The following KLF12 variants were observed in gnomAD, a reference collection of about 807,000 sequenced individuals.
The protein encoded by KLF12 is Krueppel-like factor 12.
In KLF12, 9 loss-of-function variants were observed where a neutral mutation model predicts 37.8. That is an observed-to-expected ratio of 0.24 (90% CI 0.14 to 0.42). The LOEUF is 0.42. KLF12 is among the 10% of genes least tolerant of loss of function. KLF12 has a pLI of 1.00. For missense variants in KLF12, 411 were observed against 516.0 expected, an observed-to-expected ratio of 0.80 and a Z score of 1.97; for synonymous variants, 208 against 202.1, an observed-to-expected ratio of 1.03 and a Z score of -0.25.
intron 4 of KLF12, among the ~76,000 whole-genome samples, chr13:73,832,853 G>C (rs113582576): frequency 6.6e-6 from 1 of 152,242 alleles, no homozygotes; most frequent in Middle Eastern, 3.4e-3. Context: ...ACCATTATCA[G>C]CTTTTAAATC....
At chr13:74,244,173 G>A in the KLF12 span, among the ~76,000 whole-genome samples, 11 of 152,160 alleles carry the variant, frequency 7.2e-5, no homozygotes, top group South Asian at 4.2e-4. Flanking sequence ...TATCATCTTT[G>A]GTAATTGTTA....
intron 1 of KLF12, among the ~76,000 whole-genome samples, chr13:74,099,926 A>G (rs1006865663): frequency 2.0e-5 from 3 of 152,228 alleles, no homozygotes; most frequent in East Asian, 1.9e-4. Context: ...AAATTGAACC[A>G]TAAAACATTC....
chr13:74,047,673 CT>C (rs113750310), intron 1 of KLF12, among the ~76,000 whole-genome samples: 6,886 of 151,108 alleles, frequency 0.046, 221 homozygotes, highest in African/African-American at 0.089. Context: ...TTTTGATAGC[CT>C]AAGATAAAGC....
At chr13:74,176,488 C>T in the KLF12 span, among the ~76,000 whole-genome samples, 1 of 152,174 alleles carries the variant, frequency 6.6e-6, no homozygotes, top group South Asian at 2.1e-4. Flanking sequence ...ATAACCCTCA[C>T]CCCACTCCAT....
At chr13:73,785,679 C>G (rs1182531334) in intron 5 of KLF12, among the ~76,000 whole-genome samples, 3 of 151,796 alleles carry the variant, frequency 2.0e-5, no homozygotes, top group African/African-American at 7.3e-5. Flanking sequence ...TTGTTGACTT[C>G]TCTCTCATTC....
chr13:74,201,507 T>C, the KLF12 span, among the ~76,000 whole-genome samples: 1 of 152,184 alleles, frequency 6.6e-6, no homozygotes, highest in East Asian at 1.9e-4. Context: ...TTATTCCCAA[T>C]AAGCTCTTCC....
chr13:73,742,847 T>C (rs1237204096), intron 6 of KLF12, among the ~76,000 whole-genome samples: 5 of 152,194 alleles, frequency 3.3e-5, no homozygotes, highest in African/African-American at 1.2e-4. Context: ...GGTTTACAAC[T>C]TGCTCCTTCT....
chr13:74,169,707 A>G, the KLF12 span, among the ~76,000 whole-genome samples: 7 of 152,218 alleles, frequency 4.6e-5, no homozygotes, highest in Non-Finnish European at 1.0e-4. Context: ...AAGAGGAACT[A>G]TAAGCTGACA....
At chr13:74,151,621 C>A in the KLF12 span, among the ~76,000 whole-genome samples, 5 of 151,856 alleles carry the variant, frequency 3.3e-5, no homozygotes, top group Admixed American at 2.6e-4. Flanking sequence ...CCACTGCACT[C>A]CAGCCTGGGT....
At chr13:73,984,219 C>A (rs548057449) in intron 2 of KLF12, among the ~76,000 whole-genome samples, 4 of 152,182 alleles carry the variant, frequency 2.6e-5, no homozygotes, top group Non-Finnish European at 5.9e-5. Flanking sequence ...GTCTTCCCTG[C>A]AGCATGCCAT....
intron 6 of KLF12, among the ~76,000 whole-genome samples, chr13:73,727,432 A>G (rs566347859): frequency 4.3e-4 from 66 of 152,332 alleles, no homozygotes; most frequent in Non-Finnish European, 8.4e-4. Context: ...CAGTTATCCC[A>G]GCAACATTTG....
At chr13:74,279,921 A>C in the KLF12 span, among the ~76,000 whole-genome samples, 6 of 152,180 alleles carry the variant, frequency 3.9e-5, no homozygotes, top group African/African-American at 1.4e-4. Flanking sequence ...AAAGTCTCTA[A>C]GAGCAGAGGG....
chr13:73,811,244 A>C (rs1299864662), intron 5 of KLF12, among the ~76,000 whole-genome samples: 2 of 151,922 alleles, frequency 1.3e-5, no homozygotes, highest in Admixed American at 6.6e-5. Context: ...TTGGTCTCCC[A>C]AAGTGCTAGG....
intron 5 of KLF12, among the ~76,000 whole-genome samples, chr13:73,804,909 T>C (rs1882478150): frequency 6.6e-6 from 1 of 152,226 alleles, no homozygotes; most frequent in Non-Finnish European, 1.5e-5. Flanking sequence ...GCCAGGATTA[T>C]GGGAAGCATC....
intron 1 of KLF12, among the ~76,000 whole-genome samples, chr13:74,048,787 A>G (rs9543515): frequency 0.27 from 40,958 of 152,072 alleles, 6,812 homozygotes; most frequent in East Asian, 0.62. Flanking sequence ...CCCCAATTCA[A>G]ATAAAGTAAG....
intron 2 of KLF12, among the ~76,000 whole-genome samples, chr13:73,979,398 C>CAA (rs1491167508): frequency 3.4e-5 from 5 of 146,350 alleles, no homozygotes; most frequent in South Asian, 2.2e-4. Context: ...CACACACACA[C>CAA]AAATCATGGA....
chr13:74,107,265 T>C (rs1270989221), intron 1 of KLF12, among the ~76,000 whole-genome samples: 1 of 152,222 alleles, frequency 6.6e-6, no homozygotes, highest in African/African-American at 2.4e-5. Context: ...TGGTGGGACA[T>C]CAACAGACCA....
the KLF12 span, among the ~76,000 whole-genome samples, chr13:74,248,592 T>C: frequency 1.3e-5 from 2 of 152,166 alleles, no homozygotes; most frequent in Non-Finnish European, 2.9e-5. Flanking sequence ...ATAGAACTTA[T>C]CTCATCCAGT....
At chr13:73,771,867 A>T (rs1880292749) in intron 5 of KLF12, among the ~76,000 whole-genome samples, 1 of 152,258 alleles carries the variant, frequency 6.6e-6, no homozygotes, top group African/African-American at 2.4e-5. Flanking sequence ...AAGAATAGGT[A>T]CAATTTTCAT....
Sources: allele counts gnomAD v4.1 joint callset (sites outside exome capture counted in the v4.1 genomes callset), GRCh38; gene constraint gnomAD v4.1.1; transcripts MANE v1.5; gene names NCBI Gene and HGNC (gene_info 2026-07-23, HGNC 2026-07-21).